NRG1: variants seen among roughly 807,000 people sequenced by gnomAD.
NRG1 encodes the protein neuregulin 1.
Under a neutral mutation model 63.8 loss-of-function variants are expected in NRG1, and 18 were observed. The ratio of observed to expected loss-of-function variants is 0.28; its 90% CI spans 0.19 to 0.42. The LOEUF (loss-of-function observed/expected upper bound fraction) is 0.42. Ranked by LOEUF, NRG1 falls within the 10% of genes least tolerant of loss-of-function variation. The pLI is 1.00. For missense variants in NRG1, 762 were observed against 814.7 expected (o/e 0.94, Z 0.79); for synonymous variants, 302 against 301.3 (o/e 1.00, Z -0.02).
chr8:32,340,770 G>T (rs998229931), intron 1 of NRG1, among the ~76,000 whole-genome samples: 39 of 152,248 alleles, frequency 2.6e-4, no homozygotes, highest in African/African-American at 9.1e-4. Flanking sequence ...CCTTAAGCCC[G>T]ATATCCTGTA....
intron 5 of NRG1, among the ~76,000 whole-genome samples, chr8:32,674,208 T>A (rs535724265): frequency 1.9e-4 from 29 of 152,314 alleles, no homozygotes; most frequent in Non-Finnish European, 2.9e-4. Flanking sequence ...ATATAAGGGG[T>A]TACCAGAGCT....
chr8:32,267,424 G>T (rs1221714898), intron 1 of NRG1, among the ~76,000 whole-genome samples: 1 of 152,162 alleles, frequency 6.6e-6, no homozygotes, highest in African/African-American at 2.4e-5. Flanking sequence ...ATGTAGTTGT[G>T]CCTTTCAAAA....
intron 1 of NRG1, among the ~76,000 whole-genome samples, chr8:31,691,048 G>GACCCA (rs1273675253): frequency 1.3e-5 from 2 of 152,068 alleles, no homozygotes; most frequent in African/African-American, 4.8e-5. Flanking sequence ...GACTGAGGTT[G>GACCCA]GAGTCCTGGG....
chr8:32,643,364 G>A (rs1397614600), intron 5 of NRG1, among the ~76,000 whole-genome samples: 3 of 152,202 alleles, frequency 2.0e-5, no homozygotes, highest in East Asian at 3.9e-4. Flanking sequence ...CTGGCAGCTT[G>A]TGTTTTCTTC....
intron 1 of NRG1, among the ~76,000 whole-genome samples, chr8:31,950,404 A>G (rs1455058209): frequency 1.3e-5 from 2 of 152,246 alleles, no homozygotes; most frequent in Non-Finnish European, 2.9e-5. Context: ...GGAGATGGGA[A>G]TAAAACTGAA....
intron 5 of NRG1, among the ~76,000 whole-genome samples, chr8:32,628,525 A>T (rs1038098983): frequency 6.6e-6 from 1 of 152,174 alleles, no homozygotes; most frequent in Non-Finnish European, 1.5e-5. Context: ...ATGAGACTGT[A>T]TGTGAAACGA....
intron 1 of NRG1, among the ~76,000 whole-genome samples, chr8:32,039,162 G>A (rs559832179): frequency 6.6e-6 from 1 of 152,182 alleles, no homozygotes; most frequent in East Asian, 1.9e-4. Flanking sequence ...ATTTTTATTT[G>A]TAGAATTGTG....
intron 1 of NRG1, among the ~76,000 whole-genome samples, chr8:32,085,148 A>G (rs1182875973): frequency 6.6e-6 from 1 of 152,212 alleles, no homozygotes; most frequent in African/African-American, 2.4e-5. Flanking sequence ...TTTTGACATA[A>G]TTGATTCTCT....
intron 1 of NRG1, among the ~76,000 whole-genome samples, chr8:31,759,985 T>G (rs935656169): frequency 6.6e-6 from 1 of 152,174 alleles, no homozygotes; most frequent in Admixed American, 6.6e-5. Flanking sequence ...TATAGAATTT[T>G]AAATTTAACT....
rs765418988 is a variant in NRG1, at chr8:32,742,909, T to C, written c.691+176T>C. 4.9e-5 allele frequency: 74 copies of C among 1,508,614 alleles called. No individual in the cohort carries two copies. The highest frequency in any genetic ancestry group is 5.0e-5 in the Non-Finnish European group (56 of 1,127,572). The allele number at this position is 1,508,614 out of a possible 1,614,324, so 93.5% of individuals were successfully genotyped here. A position where few individuals can be genotyped will look rare whatever the true frequency, so the allele number is the denominator to read the frequency against. On this transcript the variant is annotated intron_variant, in intron 7 of 11. Coordinates refer to ENST00000356819, the Ensembl canonical transcript of NRG1. This position sits in a 1 kb window ranked among gnomAD's most constrained non-coding sequence, Gnocchi z 4.2. ...CATTAACAAAAGCAATTGTATTACT[T>C]CCTCTGTTCGCGACTAGTTGGCTCT...
intron 1 of NRG1, among the ~76,000 whole-genome samples, chr8:32,057,106 A>G (rs994421983): frequency 6.6e-6 from 1 of 152,192 alleles, no homozygotes; most frequent in African/African-American, 2.4e-5. Context: ...AAGATGGCAA[A>G]AAGTAGAATA....
intron 5 of NRG1, among the ~76,000 whole-genome samples, chr8:32,712,619 A>G (rs1564006489): frequency 6.6e-6 from 1 of 152,194 alleles, no homozygotes; most frequent in Non-Finnish European, 1.5e-5. Flanking sequence ...TTCTCATCTA[A>G]CTTCAAATAT....
intron 1 of NRG1, among the ~76,000 whole-genome samples, chr8:31,727,947 A>T (rs1485445545): frequency 3.3e-5 from 5 of 152,176 alleles, no homozygotes; most frequent in Non-Finnish European, 7.3e-5. Context: ...GATAACGCAG[A>T]CATCTCCTAG....
intron 1 of NRG1, among the ~76,000 whole-genome samples, chr8:31,712,233 C>T (rs1426652273): frequency 7.7e-6 from 1 of 130,450 alleles, no homozygotes; most frequent in African/African-American, 3.0e-5. Context: ...TTCCTCTTGA[C>T]TTCCTGTTTC....
intron 1 of NRG1, among the ~76,000 whole-genome samples, chr8:31,972,664 A>C (rs992136402): frequency 1.3e-5 from 2 of 151,726 alleles, no homozygotes; most frequent in Admixed American, 6.6e-5. Context: ...CTTTTTACAA[A>C]CCCCTGGAGC....
At chr8:32,344,819 G>A (rs1804673863) in intron 1 of NRG1, among the ~76,000 whole-genome samples, 1 of 151,928 alleles carries the variant, frequency 6.6e-6, no homozygotes, top group South Asian at 2.1e-4. Context: ...AAGTTTGTTA[G>A]TAGACATTTA....
intron 1 of NRG1, among the ~76,000 whole-genome samples, chr8:32,389,309 G>T (rs903453635): frequency 6.6e-6 from 1 of 152,198 alleles, no homozygotes; most frequent in Non-Finnish European, 1.5e-5. Context: ...GCAGAGATGA[G>T]AGATTTTTGC....
At chr8:32,157,959 A>G (rs1178990339) in intron 1 of NRG1, among the ~76,000 whole-genome samples, 1 of 152,140 alleles carries the variant, frequency 6.6e-6, no homozygotes, top group Non-Finnish European at 1.5e-5. Context: ...TCTTCCTTAT[A>G]CACTTTCCAC....
intron 1 of NRG1, among the ~76,000 whole-genome samples, chr8:32,177,138 C>G (rs1335136722): frequency 6.6e-6 from 1 of 152,080 alleles, no homozygotes; most frequent in African/African-American, 2.4e-5. Flanking sequence ...CCATGGAATA[C>G]TATGCAGCCA....
Sources: allele counts gnomAD v4.1 joint callset (sites outside exome capture counted in the v4.1 genomes callset), GRCh38; gene constraint gnomAD v4.1.1; non-coding constraint Gnocchi (gnomAD v3.1); transcripts MANE v1.5; gene names NCBI Gene and HGNC (gene_info 2026-07-23, HGNC 2026-07-21).